The following PRRX2 variants were observed in gnomAD, a reference collection of about 807,000 sequenced individuals.
PRRX2 encodes paired mesoderm homeobox protein 2.
A neutral mutation model predicts 18.0 loss-of-function variants in PRRX2; 11 were observed. The ratio of observed to expected loss-of-function variants is 0.61; its 90% CI spans 0.39 to 1.01. PRRX2 has a LOEUF of 1.01. Ranked by LOEUF, PRRX2 falls within the 50% of genes least tolerant of loss-of-function variation. PRRX2 has a pLI of 0.01. For synonymous variants in PRRX2, 177 were observed against 154.8 expected (o/e 1.14, Z -1.06); for missense variants, 387 against 351.0 (o/e 1.10, Z -0.82).
Position 129,689,902 on chromosome 9 carries a change from G to A in PRRX2, c.259+23776G>A, listed in dbSNP as rs191003325. On this transcript the variant is annotated intron_variant, in intron 1 of 3. Coordinates refer to ENST00000372469, the MANE Select transcript of PRRX2 (RefSeq NM_016307.4). Reference sequence around the variant, plus strand: ...CAAGTAGCTCGTATTACAGGCGCGCGCCATCACGCCTGGCTATTTTTTGTA... The same window carrying A: ...CAAGTAGCTCGTATTACAGGCGCGCACCATCACGCCTGGCTATTTTTTGTA... 5.3e-3 allele frequency among the ~76,000 whole-genome samples: 804 copies of A among 150,972 alleles called. 12 individuals are homozygous for A. Among genetic ancestry groups the A allele is most frequent in the African/African-American group, 0.019 (762 of 40,602 alleles).
chr9:129,665,824 C>T lies in PRRX2; in HGVS notation c.-44C>T. ...CGCGCCCGCGACCCTTCCTGGGACC[C>T]GAGCCCGAGACCCCCGCCGGCCCCC... On this transcript the variant is annotated 5_prime_UTR_variant, in exon 1 of 4. Coordinates refer to ENST00000372469, the MANE Select transcript of PRRX2 (RefSeq NM_016307.4). The surrounding 1 kb of genome is among the most constrained non-coding windows in gnomAD (Gnocchi z 5.3). 2.9e-6 allele frequency: 3 copies of T among 1,024,302 alleles called. No individual in the cohort carries two copies. The highest frequency in any genetic ancestry group is 3.5e-6 in the Non-Finnish European group (3 of 857,240). The allele number at this position is 1,024,302 out of a possible 1,614,324, so 63.5% of individuals were successfully genotyped here.
chr9:129,681,952 T>A (rs1360916311), intron 1 of PRRX2, among the ~76,000 whole-genome samples: 2 of 152,118 alleles, frequency 1.3e-5, no homozygotes, highest in Non-Finnish European at 2.9e-5. Flanking sequence ...CAGCAGTGAC[T>A]GGAAGCGTAT....
At chr9:129,680,087 C>T (rs1246040660) in intron 1 of PRRX2, among the ~76,000 whole-genome samples, 1 of 152,098 alleles carries the variant, frequency 6.6e-6, no homozygotes, top group African/African-American at 2.4e-5. Flanking sequence ...ACGCCTGCCT[C>T]GCCCCTGAAG....
At chr9:129,690,579 TC>T in intron 1 of PRRX2, among the ~76,000 whole-genome samples, 1 of 150,042 alleles carries the variant, frequency 6.7e-6, no homozygotes, top group Non-Finnish European at 1.5e-5. Context: ...CGATCTCGGC[TC>T]ACTGCAGTCT....
intron 2 of PRRX2, among the ~76,000 whole-genome samples, chr9:129,720,259 T>G (rs1180193682): frequency 2.7e-5 from 4 of 148,846 alleles, no homozygotes; most frequent in Admixed American, 1.3e-4. Flanking sequence ...TCCCCCCGAG[T>G]GCTCAGCAAG....
chr9:129,671,339 G>A lies in PRRX2; in HGVS notation c.259+5213G>A, dbSNP rs902956970. Among the ~76,000 whole-genome samples the A allele has an allele frequency of 2.0e-5, 3 of 152,198 alleles. No homozygotes were observed. The highest frequency in any genetic ancestry group is 4.1e-4 in the South Asian group (2 of 4,832). ...GCATCTCGGCCTTCTTTTCGCCAGG[G>A]AGGGTTGGTTCATTATTTGTGGTTC... On this transcript the variant is annotated intron_variant, in intron 1 of 3. Transcript: ENST00000372469. This position sits in a 1 kb window ranked among gnomAD's most constrained non-coding sequence, Gnocchi z 4.0.
chr9:129,667,408 A>T (rs192646557), intron 1 of PRRX2, among the ~76,000 whole-genome samples: 53 of 152,212 alleles, frequency 3.5e-4, no homozygotes, highest in Admixed American at 2.2e-3. Context: ...TCATTTGAGG[A>T]CCTCAGCGGC....
chr9:129,674,208 T>C (rs913752955), intron 1 of PRRX2, among the ~76,000 whole-genome samples: 2 of 152,124 alleles, frequency 1.3e-5, no homozygotes, highest in East Asian at 3.8e-4. Context: ...CCCTTCCACA[T>C]CACGGAAGTT....
At chr9:129,687,123 G>A (rs1035860956) in intron 1 of PRRX2, among the ~76,000 whole-genome samples, 3 of 152,128 alleles carry the variant, frequency 2.0e-5, no homozygotes, top group African/African-American at 7.2e-5. Context: ...TGCAGGCCGG[G>A]CATGGTGTAA....
In PRRX2 at chr9:129,665,743, TA is replaced by T; in HGVS notation, c.-124del. On this transcript the variant is annotated 5_prime_UTR_variant, in exon 1 of 4. Coordinates refer to ENST00000372469, the MANE Select transcript of PRRX2 (RefSeq NM_016307.4). The surrounding 1 kb of genome is among the most constrained non-coding windows in gnomAD (Gnocchi z 5.3). ...GTCAGCGCCGGGCGGGCCGCGAGGC[TA>T]GGAGGCGGCGGGAGCTGGGCAGAGC... The T allele has an allele frequency of 1.4e-6, 1 of 702,410 alleles. No individual in the cohort carries two copies. Among genetic ancestry groups the T allele is most frequent in the Non-Finnish European group, 1.8e-6 (1 of 568,546 alleles). 43.5% of individuals were successfully genotyped at this position (702,410 alleles called of 1,614,324 possible).
chr9:129,720,654 G>A lies in PRRX2; in HGVS notation c.506G>A (p.Ser169Asn). Residue 169 changes from serine to asparagine, a missense_variant, in exon 3 of 4, where the codon AGC (serine) becomes AAC (asparagine). Physicochemically the swap from Ser to Asn is conservative, Grantham distance 46 (BLOSUM62 1). Coordinates refer to ENST00000372469, the MANE Select transcript of PRRX2 (RefSeq NM_016307.4). ...FRRNERAMLA[S>N]RSASLLKSYS... ...AGGAATGAAAGGGCCATGCTGGCCA[G>A]CCGCTCTGCCTCGCTGCTCAAGTCC... is the stretch of plus-strand genomic sequence containing the variant. The A allele has an allele frequency of 6.2e-7, 1 of 1,613,464 alleles. No homozygotes were observed. The highest frequency in any genetic ancestry group is 1.1e-5 in the South Asian group (1 of 90,998).
chr9:129,667,070 G>A (rs1434315302), intron 1 of PRRX2, among the ~76,000 whole-genome samples: 2 of 152,242 alleles, frequency 1.3e-5, no homozygotes. Context: ...GACAGGAGGT[G>A]CAGGGAAAAC....
intron 1 of PRRX2, among the ~76,000 whole-genome samples, chr9:129,686,139 G>T (rs549443271): frequency 1.3e-5 from 2 of 152,160 alleles, no homozygotes; most frequent in South Asian, 4.1e-4. Context: ...GGTGGGGCTC[G>T]TAGGGGGCAG....
intron 1 of PRRX2, 112 bp downstream of exon 1, chr9:129,666,238 C>T: frequency 1.1e-6 from 1 of 873,308 alleles, no homozygotes; most frequent in Non-Finnish European, 1.4e-6. Context: ...GGCGCGTGGT[C>T]GGCGGCAGGA....
chr9:129,700,571 C>G (rs1832481518), intron 1 of PRRX2, among the ~76,000 whole-genome samples: 1 of 151,830 alleles, frequency 6.6e-6, no homozygotes, highest in African/African-American at 2.4e-5. Flanking sequence ...TTCAAGTGAT[C>G]TGCCCGCCTC....
intron 1 of PRRX2, among the ~76,000 whole-genome samples, chr9:129,688,302 G>A (rs377300909): frequency 1.2e-4 from 18 of 151,994 alleles, no homozygotes; most frequent in African/African-American, 3.6e-4. Context: ...GGACTCAAGC[G>A]ATCCTCCCAC....
At chr9:129,713,442 G>T (rs1459729993) in intron 1 of PRRX2, among the ~76,000 whole-genome samples, 1 of 152,066 alleles carries the variant, frequency 6.6e-6, no homozygotes, top group East Asian at 1.9e-4. Context: ...GAGGCTGGAG[G>T]CCTCCCACCA....
intron 1 of PRRX2, among the ~76,000 whole-genome samples, chr9:129,697,001 C>T (rs564211218): frequency 1.3e-5 from 2 of 152,340 alleles, no homozygotes; most frequent in South Asian, 2.1e-4. Flanking sequence ...TCCCTAGTCT[C>T]GGTTATCCCG....
Position 129,693,665 on chromosome 9 carries a change from A to G in PRRX2, c.260-25566A>G, listed in dbSNP as rs191797054. Among the ~76,000 whole-genome samples, 20 of 152,212 alleles carry G rather than the reference A, an allele frequency of 1.3e-4. No homozygotes were observed. The East Asian group carries it at 3.9e-3, about 29-fold the overall frequency. ...CGCCTTGCCATCATTACTGGTTAAT[A>G]CAGTATTTATGTGCAGGAGGAAGAA... On this transcript the variant is annotated intron_variant, in intron 1 of 3. Transcript: ENST00000372469.
Sources: gnomAD v4.1 joint callset for allele counts (sites outside exome capture counted in the v4.1 genomes callset) on GRCh38, gnomAD v4.1.1 for gene constraint, Gnocchi (gnomAD v3.1) non-coding constraint, MANE v1.5 for transcripts, NCBI Gene and HGNC (gene_info 2026-07-23, HGNC 2026-07-21) for gene names.